Variants in CNTNAP2 observed in about 807,000 individuals in gnomAD.
The protein encoded by CNTNAP2 is contactin-associated protein-like 2.
In CNTNAP2, 98 loss-of-function variants were observed where a neutral mutation model predicts 155.2. That is an observed-to-expected ratio of 0.63 (90% CI 0.54 to 0.75). The LOEUF (loss-of-function observed/expected upper bound fraction) is 0.75, where lower values mean the gene tolerates loss of function less well. Among genes scored for constraint, CNTNAP2 ranks in the 30% least tolerant of loss-of-function variants. CNTNAP2 has a pLI of 0.00. For synonymous variants in CNTNAP2, 651 were observed against 631.2 expected (o/e 1.03, Z -0.47); for missense variants, 1,727 against 1,688.1 (o/e 1.02, Z -0.40).
At chr7:146,761,920 G>C (rs1435993512) in intron 1 of CNTNAP2, among the ~76,000 whole-genome samples, 1 of 152,072 alleles carries the variant, frequency 6.6e-6, no homozygotes, top group Middle Eastern at 3.4e-3. Context: ...TTTTCAAATC[G>C]CCACTTCAAA....
chr7:146,933,705 T>G (rs1796838688), intron 3 of CNTNAP2, among the ~76,000 whole-genome samples: 1 of 150,486 alleles, frequency 6.6e-6, no homozygotes, highest in African/African-American at 2.4e-5. Flanking sequence ...AAAGGGCTAG[T>G]ATCCAGAATC....
At chr7:146,537,352 C>G (rs998858123) in intron 1 of CNTNAP2, among the ~76,000 whole-genome samples, 1 of 151,982 alleles carries the variant, frequency 6.6e-6, no homozygotes, top group Middle Eastern at 3.4e-3. Context: ...CATTAAAATA[C>G]CTACATTTTA....
chr7:146,459,449 T>C (rs1307363516), intron 1 of CNTNAP2, among the ~76,000 whole-genome samples: 1 of 152,188 alleles, frequency 6.6e-6, no homozygotes, highest in Non-Finnish European at 1.5e-5. Context: ...AATATCAACA[T>C]CACAGCACAA....
chr7:147,366,737 A>T (rs976664175), intron 9 of CNTNAP2, among the ~76,000 whole-genome samples: 2 of 151,508 alleles, frequency 1.3e-5, no homozygotes, highest in African/African-American at 4.8e-5. Context: ...AAGTTTTATT[A>T]GTCCAGGTAT....
chr7:146,327,377 G>A (rs772399539), intron 1 of CNTNAP2, among the ~76,000 whole-genome samples: 1 of 152,134 alleles, frequency 6.6e-6, no homozygotes, highest in African/African-American at 2.4e-5. Context: ...ATGGCAGAAG[G>A]CAACTCTTAA....
intron 21 of CNTNAP2, among the ~76,000 whole-genome samples, chr7:148,267,988 A>G (rs530876183): frequency 5.1e-4 from 77 of 152,328 alleles, no homozygotes; most frequent in African/African-American, 1.7e-3. Flanking sequence ...ACCCTTCCCC[A>G]TGTGCGACTG....
At chr7:148,409,140 A>G (rs1359886042) in intron 22 of CNTNAP2, among the ~76,000 whole-genome samples, 1 of 152,230 alleles carries the variant, frequency 6.6e-6, no homozygotes, top group Non-Finnish European at 1.5e-5. Flanking sequence ...AGGTAGCTCT[A>G]GGATTCTCTA....
Position 148,383,816 on chromosome 7 carries a change from G to A in CNTNAP2, c.3643G>A (p.Gly1215Arg), listed in dbSNP as rs1212113314. 7 of 1,613,980 alleles carry A rather than the reference G, an allele frequency of 4.3e-6. No homozygotes were observed. The highest frequency in any genetic ancestry group is 2.2e-5 in the South Asian group (2 of 91,082). The change falls in exon 22 of 24, where the codon GGG (glycine) becomes AGG (arginine). Residue 1215 changes from glycine to arginine, a missense_variant. Gly to Arg is a moderately radical substitution (Grantham distance 125, BLOSUM62 -2). Transcript: ENST00000361727. ...IQGELVESNCGASPLTLSPMS... is the reference protein window; with the variant it reads ...IQGELVESNCRASPLTLSPMS... ...GGGCGAGCTGGTGGAGTCCAACTGCGGGGCCTCGCCGCTGACCCTCTCCCC... is the reference window on the plus strand; with the variant it reads ...GGGCGAGCTGGTGGAGTCCAACTGCAGGGCCTCGCCGCTGACCCTCTCCCC...
intron 12 of CNTNAP2, among the ~76,000 whole-genome samples, chr7:147,604,490 T>G (rs1801024393): frequency 6.6e-6 from 1 of 152,208 alleles, no homozygotes; most frequent in Non-Finnish European, 1.5e-5. Context: ...TGACCTTCGT[T>G]GTCTGCTGTT....
At chr7:146,875,881 A>AACACACACACACACATACACACACGC (rs1420228059) in intron 3 of CNTNAP2, among the ~76,000 whole-genome samples, 4 of 139,088 alleles carry the variant, frequency 2.9e-5, no homozygotes, top group Non-Finnish European at 4.6e-5. Context: ...CCTTATCTTA[A>AACACACACACACACATACACACACGC]ACACACACAC....
In CNTNAP2 at chr7:147,104,051, A is replaced by G. The variant is rs575947956; in HGVS notation, c.551-4096A>G. Among the ~76,000 whole-genome samples the G allele has an allele frequency of 3.2e-4, 49 of 152,220 alleles. 1 individual carries two copies. The highest frequency in any genetic ancestry group is 1.2e-3 in the African/African-American group (49 of 41,574). On this transcript the variant is annotated intron_variant, in intron 4 of 23. Coordinates refer to ENST00000361727, the MANE Select transcript of CNTNAP2 (RefSeq NM_014141.6). ...TATTAGTGAAACCCTGGTGAAGTCCAAGTATAATCTGTATTTGAGTGAATG... is the reference window on the plus strand; with the variant it reads ...TATTAGTGAAACCCTGGTGAAGTCCGAGTATAATCTGTATTTGAGTGAATG...
chr7:148,215,744 T>C (rs966801172), intron 18 of CNTNAP2, among the ~76,000 whole-genome samples: 1 of 152,106 alleles, frequency 6.6e-6, no homozygotes, highest in African/African-American at 2.4e-5. Context: ...GGTCCCATTT[T>C]TTAGGGACGA....
At chr7:148,232,018 C>A (rs1795971616) in intron 20 of CNTNAP2, among the ~76,000 whole-genome samples, 1 of 152,208 alleles carries the variant, frequency 6.6e-6, no homozygotes, top group Non-Finnish European at 1.5e-5. Context: ...AGCTCTCCCT[C>A]CTTCTCTGTC....
intron 2 of CNTNAP2, among the ~76,000 whole-genome samples, chr7:146,779,589 T>C (rs917924145): frequency 1.3e-5 from 2 of 152,216 alleles, no homozygotes; most frequent in African/African-American, 2.4e-5. Context: ...ATCTCAGTAT[T>C]TCCCAACTAA....
intron 1 of CNTNAP2, among the ~76,000 whole-genome samples, chr7:146,329,537 A>G (rs1366403244): frequency 6.6e-6 from 1 of 152,192 alleles, no homozygotes; most frequent in Admixed American, 6.6e-5. Context: ...TGTATTAAAT[A>G]AATACTTGCT....
intron 1 of CNTNAP2, among the ~76,000 whole-genome samples, chr7:146,293,674 T>A (rs1800467037): frequency 6.6e-6 from 1 of 152,198 alleles, no homozygotes; most frequent in Non-Finnish European, 1.5e-5. Flanking sequence ...TGGCTTTTGA[T>A]GCTCTCCTTT....
intron 10 of CNTNAP2, among the ~76,000 whole-genome samples, chr7:147,480,834 C>G (rs1019055683): frequency 6.6e-6 from 1 of 152,192 alleles, no homozygotes; most frequent in African/African-American, 2.4e-5. Flanking sequence ...CTCTGCCCGA[C>G]CACATGAGCA....
intron 8 of CNTNAP2, among the ~76,000 whole-genome samples, chr7:147,191,505 G>A (rs932582089): frequency 2.0e-5 from 3 of 152,024 alleles, no homozygotes. Flanking sequence ...TTATTTTCCT[G>A]GTGGCATGTG....
At chr7:146,842,840 C>G (rs1393409909) in intron 3 of CNTNAP2, among the ~76,000 whole-genome samples, 1 of 151,418 alleles carries the variant, frequency 6.6e-6, no homozygotes, top group East Asian at 2.0e-4. Context: ...CGCCCGCCAC[C>G]ACGCCCGGCT....
Sources: allele counts gnomAD v4.1 joint callset (sites outside exome capture counted in the v4.1 genomes callset), GRCh38; gene constraint gnomAD v4.1.1; transcripts MANE v1.5; gene names NCBI Gene and HGNC (gene_info 2026-07-23, HGNC 2026-07-21).